The following NRXN1 variants were observed in gnomAD, a reference collection of about 807,000 sequenced individuals.
NRXN1 encodes neurexin-1.
Under a neutral mutation model 150.9 loss-of-function variants are expected in NRXN1, and 39 were observed. The observed-to-expected ratio is 0.26, with a 90% CI of 0.20 to 0.34. NRXN1 has a LOEUF of 0.34. Ranked by LOEUF, NRXN1 falls within the 10% of genes least tolerant of loss-of-function variation. The pLI, the probability that NRXN1 is intolerant of heterozygous loss-of-function variation, is 1.00. For synonymous variants in NRXN1, 924 were observed against 757.0 expected, an observed-to-expected ratio of 1.22 and a Z score of -3.62; for missense variants, 1,815 against 1,949.9, an observed-to-expected ratio of 0.93 and a Z score of 1.30.
chr2:50,508,070 CAT>C (rs1192037102), intron 12 of NRXN1, among the ~76,000 whole-genome samples: 1 of 152,132 alleles, frequency 6.6e-6, no homozygotes, highest in Non-Finnish European at 1.5e-5. Flanking sequence ...TTTCCATCCA[CAT>C]GAGATCATTG....
intron 5 of NRXN1, among the ~76,000 whole-genome samples, chr2:50,804,920 A>T (rs2105722026): frequency 6.6e-6 from 1 of 152,288 alleles, no homozygotes; most frequent in East Asian, 1.9e-4. Context: ...CTTTGGGAAC[A>T]GTGTGTGCAT....
In NRXN1 at chr2:50,347,942, G is replaced by A; in HGVS notation, c.3365-110972C>T. 1.5e-6 allele frequency: 1 copy of A among 646,424 alleles called. No homozygotes were observed. 40.0% of individuals were successfully genotyped at this position (646,424 alleles called of 1,614,324 possible). ...CCTTGCATTCTCCACGCATCAAAGG[G>A]ACACGTGTAAGGCGAAACGGGAACA... On this transcript the variant is annotated intron_variant, in intron 17 of 22. Coordinates refer to ENST00000401669, the MANE Select transcript of NRXN1 (RefSeq NM_001330078.2). This position sits in a 1 kb window ranked among gnomAD's most constrained non-coding sequence, Gnocchi z 4.9.
intron 18 of NRXN1, among the ~76,000 whole-genome samples, chr2:50,099,242 T>C (rs1467929179): frequency 2.0e-5 from 3 of 152,128 alleles, no homozygotes; most frequent in Non-Finnish European, 2.9e-5. Context: ...CCCTCAAACC[T>C]ATTAAAAACA....
rs558547948 is a variant in NRXN1, at chr2:50,608,825, T to C, written c.1320+11197A>G. The stretch of plus-strand genomic sequence containing the variant: ...GGGAAGACTAATTGCTTCTGAAAAA[T>C]AATGCGAAATGAAATCTGATGATGA... On this transcript the variant is annotated intron_variant, in intron 8 of 22. Coordinates refer to ENST00000401669, the MANE Select transcript of NRXN1 (RefSeq NM_001330078.2). 3.3e-5 allele frequency among the ~76,000 whole-genome samples: 5 copies of C among 152,156 alleles called. No individual in the cohort carries two copies. The South Asian group carries it at 6.2e-4, about 19-fold the overall frequency.
intron 14 of NRXN1, 56 bp from the exon 15 acceptor site, chr2:50,496,151 C>T (rs2091605333): frequency 7.3e-7 from 1 of 1,373,784 alleles, no homozygotes; most frequent in Admixed American, 2.1e-5. Context: ...TTTGATGAAC[C>T]TAAAGTAGAT....
chr2:50,678,702 G>A (rs1268817580), intron 5 of NRXN1, among the ~76,000 whole-genome samples: 1 of 152,100 alleles, frequency 6.6e-6, no homozygotes, highest in African/African-American at 2.4e-5. Context: ...CGTTGCTAGT[G>A]CAGATAATAT....
intron 19 of NRXN1, among the ~76,000 whole-genome samples, chr2:50,078,594 G>A (rs1245325573): frequency 6.6e-6 from 1 of 151,982 alleles, no homozygotes; most frequent in Non-Finnish European, 1.5e-5. Context: ...GCATTAAACT[G>A]CCATGTTTCC....
chr2:50,237,108 A>G, intron 17 of NRXN1, 138 bp from the exon 18 acceptor site: 1 of 900,046 alleles, frequency 1.1e-6, no homozygotes, highest in East Asian at 2.6e-5. Flanking sequence ...ATTTCAATCA[A>G]ATGTGCTCAA....
Position 50,644,816 on chromosome 2 carries a change from G to C in NRXN1, c.833-21201C>G, listed in dbSNP as rs1372900966. ...AAAGAAATATATATATAATATATAT[G>C]AATATAAACATTCAGGTAGGATATT... is the stretch of plus-strand genomic sequence containing the variant. On this transcript the variant is annotated intron_variant, in intron 5 of 22. Transcript: ENST00000401669. Among the ~76,000 whole-genome samples, 4 of 143,400 alleles carry C rather than the reference G, an allele frequency of 2.8e-5. No individual in the cohort carries two copies. The East Asian group carries it at 7.9e-4, about 28-fold the overall frequency. The allele number at this position is 143,400 out of a possible 152,430, so 94.1% of individuals were successfully genotyped here.
intron 17 of NRXN1, among the ~76,000 whole-genome samples, chr2:50,334,300 A>G (rs2077045273): frequency 6.6e-6 from 1 of 151,280 alleles, no homozygotes; most frequent in Non-Finnish European, 1.5e-5. Flanking sequence ...CATTCATTCA[A>G]TAGTAAGCTG....
At chr2:51,003,500 A>C (rs1228472854) in intron 2 of NRXN1, among the ~76,000 whole-genome samples, 2 of 152,016 alleles carry the variant, frequency 1.3e-5, no homozygotes, top group African/African-American at 4.8e-5. Context: ...TCATCAAAAT[A>C]TCCTATCTAA....
At chr2:50,611,505 A>G (rs996325558) in intron 8 of NRXN1, among the ~76,000 whole-genome samples, 1 of 151,978 alleles carries the variant, frequency 6.6e-6, no homozygotes, top group Non-Finnish European at 1.5e-5. Context: ...AGCAGATGGG[A>G]CTCCCTGAAT....
At chr2:51,021,837 C>T (rs1234603407) in intron 2 of NRXN1, among the ~76,000 whole-genome samples, 1 of 151,882 alleles carries the variant, frequency 6.6e-6, no homozygotes. Flanking sequence ...AAAATCACTG[C>T]TTAAATATAA....
chr2:51,016,237 C>G (rs956880906), intron 2 of NRXN1, among the ~76,000 whole-genome samples: 1 of 152,124 alleles, frequency 6.6e-6, no homozygotes, highest in Non-Finnish European at 1.5e-5. Flanking sequence ...GCAATGGCAA[C>G]AAAAGCCAAA....
chr2:50,930,000 T>C (rs982087118), intron 2 of NRXN1, among the ~76,000 whole-genome samples: 5 of 152,044 alleles, frequency 3.3e-5, no homozygotes, highest in African/African-American at 1.2e-4. Flanking sequence ...AAATGAAGCA[T>C]AAAGGTCCAT....
intron 17 of NRXN1, among the ~76,000 whole-genome samples, chr2:50,369,717 C>T (rs2079871329): frequency 6.6e-6 from 1 of 151,984 alleles, no homozygotes; most frequent in African/African-American, 2.4e-5. Context: ...GCTGAAATAA[C>T]TTCTGACCTA....
intron 18 of NRXN1, among the ~76,000 whole-genome samples, chr2:50,233,220 C>G (rs114064269): frequency 0.011 from 1,603 of 152,060 alleles, 32 homozygotes; most frequent in African/African-American, 0.037. Flanking sequence ...CTTACCTTCT[C>G]CTCACCCCTT....
intron 17 of NRXN1, among the ~76,000 whole-genome samples, chr2:50,251,394 G>C (rs779557266): frequency 2.0e-5 from 3 of 152,080 alleles, no homozygotes; most frequent in Admixed American, 6.6e-5. Context: ...GTATTCCATA[G>C]TGTAATGTAT....
rs140277362 is a variant in NRXN1, at chr2:50,522,818, G to A, written c.2374+5807C>T. Among the ~76,000 whole-genome samples, 989 of 129,950 alleles carry A rather than the reference G, an allele frequency of 7.6e-3. 16 individuals are homozygous for A. The highest frequency in any genetic ancestry group is 0.029 in the African/African-American group (950 of 33,294). The allele number at this position is 129,950 out of a possible 152,430, so 85.3% of individuals were successfully genotyped here. ...GCAACCTTGGCTCAGTGCAACCTCC[G>A]CCTGCCAGGTTCAAGCAATTCTCCT... On this transcript the variant is annotated intron_variant, in intron 12 of 22. Coordinates refer to ENST00000401669, the MANE Select transcript of NRXN1 (RefSeq NM_001330078.2).
Sources: allele counts gnomAD v4.1 joint callset (sites outside exome capture counted in the v4.1 genomes callset), GRCh38; gene constraint gnomAD v4.1.1; non-coding constraint Gnocchi (gnomAD v3.1); transcripts MANE v1.5; gene names NCBI Gene and HGNC (gene_info 2026-07-23, HGNC 2026-07-21).